Variants in PGCKA1 observed in about 807,000 individuals in gnomAD.
PGCKA1 encodes PDCD10 and GCKIII kinases-associated protein 1.
At chr4:37,508,199 G>A in the PGCKA1 span, among the ~76,000 whole-genome samples, 1 of 151,932 alleles carries the variant, frequency 6.6e-6, no homozygotes, top group Non-Finnish European at 1.5e-5. Flanking sequence ...AGTATTCTTT[G>A]GGGTAAGTCT....
At chr4:37,470,903 C>T in the PGCKA1 span, among the ~76,000 whole-genome samples, 4 of 151,948 alleles carry the variant, frequency 2.6e-5, no homozygotes, top group African/African-American at 9.7e-5. Flanking sequence ...ATTAAAACTT[C>T]GATAGTTCAG....
At chr4:37,464,680 T>G in the PGCKA1 span, among the ~76,000 whole-genome samples, 1 of 152,228 alleles carries the variant, frequency 6.6e-6, no homozygotes, top group African/African-American at 2.4e-5. Context: ...AGCAGGAAGC[T>G]TTCAAGCTTA....
chr4:37,506,315 T>TG, the PGCKA1 span, among the ~76,000 whole-genome samples: 1 of 152,142 alleles, frequency 6.6e-6, no homozygotes. Flanking sequence ...CTTCTAATTT[T>TG]GGGGTGGTTT....
chr4:37,497,530 A>G, the PGCKA1 span, among the ~76,000 whole-genome samples: 1 of 152,288 alleles, frequency 6.6e-6, no homozygotes, highest in African/African-American at 2.4e-5. Flanking sequence ...CGCTGCATCC[A>G]TGCCAACATC....
chr4:37,530,667 G>C, the PGCKA1 span, among the ~76,000 whole-genome samples: 1 of 151,096 alleles, frequency 6.6e-6, no homozygotes, highest in African/African-American at 2.4e-5. Flanking sequence ...CCACTCATCT[G>C]TCAGTCACGT....
chr4:37,561,862 TTA>T, the PGCKA1 span, among the ~76,000 whole-genome samples: 1 of 152,246 alleles, frequency 6.6e-6, no homozygotes, highest in South Asian at 2.1e-4. Flanking sequence ...ATATGTATTG[TTA>T]ATTCATTAAC....
At chr4:37,471,737 G>A in the PGCKA1 span, among the ~76,000 whole-genome samples, 3 of 152,158 alleles carry the variant, frequency 2.0e-5, no homozygotes, top group Non-Finnish European at 4.4e-5. Context: ...AGGCAAGGAA[G>A]GCTTTTCAGA....
At chr4:37,467,386 C>T in the PGCKA1 span, among the ~76,000 whole-genome samples, 1 of 152,160 alleles carries the variant, frequency 6.6e-6, no homozygotes, top group African/African-American at 2.4e-5. Flanking sequence ...TTGCAACTCT[C>T]ATGTTTACTT....
the PGCKA1 span, among the ~76,000 whole-genome samples, chr4:37,474,059 G>A: frequency 1.3e-5 from 2 of 152,110 alleles, no homozygotes; most frequent in South Asian, 4.2e-4. Context: ...CATTGCTATG[G>A]TTTGAATGTG....
the PGCKA1 span, among the ~76,000 whole-genome samples, chr4:37,467,306 T>C: frequency 1.3e-5 from 2 of 152,170 alleles, no homozygotes; most frequent in African/African-American, 4.8e-5. Flanking sequence ...AAGAATAAAT[T>C]TTAAACAAAT....
At chr4:37,561,308 A>G in the PGCKA1 span, among the ~76,000 whole-genome samples, 69,268 of 152,036 alleles carry the variant, frequency 0.46, 16,594 homozygotes, top group South Asian at 0.54. Flanking sequence ...GCAACTCGCA[A>G]GCCCCACCCT....
the PGCKA1 span, among the ~76,000 whole-genome samples, chr4:37,554,347 ATATTTATT>A: frequency 6.7e-6 from 1 of 150,194 alleles, no homozygotes; most frequent in Non-Finnish European, 1.5e-5. Flanking sequence ...TCCTTTAGAA[ATATTTATT>A]TATTTATTTA....
the PGCKA1 span, among the ~76,000 whole-genome samples, chr4:37,563,953 TA>T: frequency 2.0e-5 from 3 of 152,134 alleles, no homozygotes. Flanking sequence ...ACACAGTGTC[TA>T]AATGGAACTA....
chr4:37,574,899 T>G, the PGCKA1 span, among the ~76,000 whole-genome samples: 10 of 152,198 alleles, frequency 6.6e-5, no homozygotes, highest in African/African-American at 1.7e-4. Flanking sequence ...TCACTTAACA[T>G]AACAACCTCC....
the PGCKA1 span, chr4:37,590,661 T>C: frequency 6.2e-7 from 1 of 1,614,104 alleles, no homozygotes; most frequent in Non-Finnish European, 8.5e-7. Context: ...TTGATCATAA[T>C]GAAAAGGACT....
At chr4:37,577,907 A>G in the PGCKA1 span, among the ~76,000 whole-genome samples, 1 of 152,188 alleles carries the variant, frequency 6.6e-6, no homozygotes, top group Non-Finnish European at 1.5e-5. Context: ...GTGGTCAGAG[A>G]AGATGTTTGA....
the PGCKA1 span, among the ~76,000 whole-genome samples, chr4:37,523,939 A>T: frequency 6.6e-6 from 1 of 152,160 alleles, no homozygotes; most frequent in African/African-American, 2.4e-5. Context: ...TCATGACCTA[A>T]TCCTCTCCAG....
At chr4:37,522,200 G>A in the PGCKA1 span, among the ~76,000 whole-genome samples, 2 of 152,134 alleles carry the variant, frequency 1.3e-5, no homozygotes, top group East Asian at 1.9e-4. Flanking sequence ...GGGTTCAAAG[G>A]TGCCATCTGG....
At chr4:37,575,087 G>A in the PGCKA1 span, among the ~76,000 whole-genome samples, 1 of 152,100 alleles carries the variant, frequency 6.6e-6, no homozygotes, top group Admixed American at 6.5e-5. Flanking sequence ...CTTCAATACA[G>A]TGATTTCCTT....
Sources: gnomAD v4.1 joint callset for allele counts (sites outside exome capture counted in the v4.1 genomes callset) on GRCh38, gnomAD v4.1.1 for gene constraint, MANE v1.5 for transcripts, NCBI Gene and HGNC (gene_info 2026-07-23, HGNC 2026-07-21) for gene names.